Variants in AHRR observed in about 807,000 individuals in gnomAD.
AHRR encodes the protein ahR repressor.
Under a neutral mutation model 44.0 loss-of-function variants are expected in AHRR, and 28 were observed. That is an observed-to-expected ratio of 0.64 (90% CI 0.47 to 0.87). The LOEUF is 0.87. AHRR is among the 40% of genes least tolerant of loss of function. AHRR has a pLI of 0.00. For synonymous variants in AHRR, 434 were observed against 407.0 expected (o/e 1.07, Z -0.80); for missense variants, 990 against 953.9 (o/e 1.04, Z -0.50).
At chr5:344,328 C>T (rs1406406994) in intron 2 of AHRR, among the ~76,000 whole-genome samples, 4 of 149,984 alleles carry the variant, frequency 2.7e-5, no homozygotes, top group African/African-American at 4.9e-5. Flanking sequence ...CCCGCTGGGA[C>T]GGAGGGTGTG....
At chr5:424,186 AC>A (rs761767799) in intron 7 of AHRR, among the ~76,000 whole-genome samples, 3 of 108,298 alleles carry the variant, frequency 2.8e-5, no homozygotes, top group Admixed American at 1.1e-4. Context: ...AGGGCTGGGC[AC>A]TGAGCTCTGT....
intron 4 of AHRR, among the ~76,000 whole-genome samples, chr5:410,831 G>A (rs1735441991): frequency 6.6e-6 from 1 of 152,076 alleles, no homozygotes. Flanking sequence ...TTAGTATAAG[G>A]TTATTTAGAT....
At chr5:403,658 A>G in intron 4 of AHRR, 2 of 559,604 alleles carry the variant, frequency 3.6e-6, no homozygotes. Flanking sequence ...AAAAAAAGTA[A>G]CCACTTTAAA....
intron 4 of AHRR, among the ~76,000 whole-genome samples, chr5:392,947 C>T (rs574852726): frequency 4.6e-5 from 7 of 152,112 alleles, no homozygotes; most frequent in Non-Finnish European, 1.0e-4. Context: ...GGATCTCCCC[C>T]CACACCAAGC....
At chr5:376,567 C>CGG in intron 3 of AHRR, 43 bp from the exon 4 acceptor site, 1 of 208,216 alleles carries the variant, frequency 4.8e-6, no homozygotes, top group Non-Finnish European at 8.4e-6. Context: ...AGTGGCCAGG[C>CGG]CAAGGGTTGG....
intron 1 of AHRR, among the ~76,000 whole-genome samples, chr5:331,934 AG>A (rs1741936057): frequency 6.6e-6 from 1 of 152,222 alleles, no homozygotes; most frequent in African/African-American, 2.4e-5. Flanking sequence ...GATGCCAAAA[AG>A]GTTGGGGACC....
At chr5:378,441 C>CA (rs1289861445) in intron 4 of AHRR, among the ~76,000 whole-genome samples, 19 of 152,326 alleles carry the variant, frequency 1.2e-4, no homozygotes, top group Non-Finnish European at 2.1e-4. Flanking sequence ...TAAGATGCTC[C>CA]ACACGTTCAG....
intron 5 of AHRR, among the ~76,000 whole-genome samples, chr5:415,640 TGGTGGGGCGGGA>T (rs1735754394): frequency 6.8e-6 from 1 of 146,364 alleles, no homozygotes; most frequent in Admixed American, 7.1e-5. Context: ...CGAATCTGCC[TGGTGGGGCGGGA>T]GGCCTAGGGG....
intron 6 of AHRR, among the ~76,000 whole-genome samples, chr5:423,596 C>A (rs1024846637): frequency 1.3e-5 from 2 of 152,322 alleles, no homozygotes; most frequent in Non-Finnish European, 1.5e-5. Context: ...AAGCTAAAAA[C>A]AAGCAAGATG....
intron 1 of AHRR, among the ~76,000 whole-genome samples, chr5:324,682 G>C (rs55797346): frequency 0.063 from 9,570 of 152,182 alleles, 398 homozygotes; most frequent in African/African-American, 0.11. Context: ...CCAGCTACTC[G>C]AGAGGCTGAG....
intron 2 of AHRR, among the ~76,000 whole-genome samples, chr5:345,336 A>G (rs939722905): frequency 0.012 from 347 of 29,472 alleles, 1 homozygote; most frequent in African/African-American, 0.043. Context: ...GTGTGTGGGG[A>G]TGTGTGTGTG....
intron 4 of AHRR, among the ~76,000 whole-genome samples, chr5:381,526 T>TTTTC (rs1260104373): frequency 2.2e-5 from 3 of 135,320 alleles, no homozygotes; most frequent in Non-Finnish European, 3.2e-5. Context: ...TTTTTTTTTT[T>TTTTC]TTTTTTTGAG....
rs191715037 is a variant in AHRR, at chr5:371,426, G to C, written c.245-5184G>C. ...GCTTCCCATCTGAGTCAGGATTTCA[G>C]CCCAGCCCTGCTCTAGGCTTTCTGA... On this transcript the variant is annotated intron_variant, in intron 3 of 10. Coordinates refer to ENST00000684583, the MANE Select transcript of AHRR (RefSeq NM_001377236.1). Among the ~76,000 whole-genome samples, 477 of 152,332 alleles carry C rather than the reference G, an allele frequency of 3.1e-3. 5 individuals carry two copies. In the Middle Eastern group the frequency reaches 0.037, roughly 12 times the overall value.
intron 4 of AHRR, chr5:403,974 A>G (rs1310397703): frequency 7.9e-7 from 1 of 1,269,146 alleles, no homozygotes; most frequent in East Asian, 2.3e-5. Context: ...ACTCGTCTAC[A>G]TTTTCTGCTT....
At chr5:354,372 C>T (rs554837539) in intron 3 of AHRR, among the ~76,000 whole-genome samples, 88 of 152,266 alleles carry the variant, frequency 5.8e-4, no homozygotes, top group African/African-American at 2.0e-3. Context: ...AGGTGGGACC[C>T]GGGGGCTGCC....
chr5:339,439 T>G (rs1371482846), intron 1 of AHRR, among the ~76,000 whole-genome samples: 4 of 152,252 alleles, frequency 2.6e-5, no homozygotes, highest in African/African-American at 4.8e-5. Flanking sequence ...ATTTTCTACA[T>G]GTACAATCAT....
chr5:340,688 A>ATATATATTTTT (rs1269938749), intron 1 of AHRR, among the ~76,000 whole-genome samples: 1 of 12,928 alleles, frequency 7.7e-5, no homozygotes, highest in African/African-American at 4.0e-4. Flanking sequence ...ATATATATAT[A>ATATATATTTTT]TTTTTTTTTT....
At chr5:356,060 C>T (rs1420814117) in intron 3 of AHRR, among the ~76,000 whole-genome samples, 2 of 152,180 alleles carry the variant, frequency 1.3e-5, no homozygotes, top group Non-Finnish European at 2.9e-5. Flanking sequence ...AAAAAGTTGC[C>T]TTTGGGAAGG....
chr5:334,428 T>A (rs1326027847), intron 1 of AHRR, among the ~76,000 whole-genome samples: 1 of 152,096 alleles, frequency 6.6e-6, no homozygotes, highest in East Asian at 1.9e-4. Context: ...TTGCTTTGTT[T>A]TTGTTTGATT....
Sources: allele counts gnomAD v4.1 joint callset (sites outside exome capture counted in the v4.1 genomes callset), GRCh38; gene constraint gnomAD v4.1.1; transcripts MANE v1.5; gene names NCBI Gene and HGNC (gene_info 2026-07-23, HGNC 2026-07-21).